SLC25A12: variants seen among roughly 807,000 people sequenced by gnomAD.
The protein encoded by SLC25A12 is solute carrier family 25 member 12.
Under a neutral mutation model 83.3 loss-of-function variants are expected in SLC25A12, and 32 were observed. The observed-to-expected ratio is 0.38, with a 90% CI of 0.29 to 0.52. The LOEUF (loss-of-function observed/expected upper bound fraction) is 0.52, where lower values mean the gene tolerates loss of function less well. Among genes scored for constraint, SLC25A12 ranks in the 20% least tolerant of loss-of-function variants. The pLI is 0.84. For synonymous variants in SLC25A12, 267 were observed against 291.1 expected (o/e 0.92, Z 0.84); for missense variants, 611 against 835.6 (o/e 0.73, Z 3.31).
At chr2:171,850,276 C>T (rs1467756041) in intron 4 of SLC25A12, among the ~76,000 whole-genome samples, 5 of 150,064 alleles carry the variant, frequency 3.3e-5, no homozygotes, top group Non-Finnish European at 5.9e-5. Flanking sequence ...CCACCACGCC[C>T]GGCTAATTTT....
chr2:171,791,437 A>C lies in SLC25A12; in HGVS notation c.1585+14T>G. 6.2e-7 allele frequency: 1 copy of C among 1,612,538 alleles called. No individual in the cohort carries two copies. The highest frequency in any genetic ancestry group is 8.5e-7 in the Non-Finnish European group (1 of 1,178,518). On this transcript the variant is annotated intron_variant, in intron 15 of 17. Coordinates refer to ENST00000422440, the MANE Select transcript of SLC25A12 (RefSeq NM_003705.5). ...TGGGAGAATTCTTTCAGTTAAAAAA[A>C]AATTTGTAGTTACCTGCCATGGCTC...
intron 13 of SLC25A12, among the ~76,000 whole-genome samples, chr2:171,800,323 TCACA>T (rs60362750): frequency 6.0e-5 from 9 of 149,516 alleles, no homozygotes; most frequent in East Asian, 5.9e-4. Context: ...AACAGATACT[TCACA>T]CACACACACA....
In SLC25A12 at chr2:171,799,742, A is replaced by T. The variant is rs116581762; in HGVS notation, c.1306-5975T>A. ...TCTCTGCCTCACCGAGGTCTTGTGC[A>T]CTACTAACTCATTTGAGAGCACTAT... On this transcript the variant is annotated intron_variant, in intron 13 of 17. Coordinates refer to ENST00000422440, the MANE Select transcript of SLC25A12 (RefSeq NM_003705.5). 5.1e-4 allele frequency among the ~76,000 whole-genome samples: 77 copies of T among 152,352 alleles called. 1 individual carries two copies. Among genetic ancestry groups the T allele is most frequent in the African/African-American group, 1.8e-3 (76 of 41,580 alleles).
chr2:171,855,695 T>C (rs1389010384), intron 4 of SLC25A12, 139 bp downstream of exon 4: 2 of 707,610 alleles, frequency 2.8e-6, no homozygotes, highest in Admixed American at 2.2e-5. Flanking sequence ...GCCATCATTA[T>C]CTGCATAAAT....
In SLC25A12 at chr2:171,878,563, C is replaced by T. The variant is rs144659784; in HGVS notation, c.67-9740G>A. ...GCTTCCAGTATTCCTGGGCTTACCA[C>T]GAGATCGGTCCTGACTGGTCTAGGC... On this transcript the variant is annotated intron_variant, in intron 2 of 17. Coordinates refer to ENST00000422440, the MANE Select transcript of SLC25A12 (RefSeq NM_003705.5). Among the ~76,000 whole-genome samples the T allele has an allele frequency of 9.1e-4, 138 of 152,242 alleles. 4 individuals are homozygous for T. In the East Asian group the frequency reaches 0.019, roughly 21 times the overall value.
chr2:171,833,581 T>G (rs1023017474), intron 8 of SLC25A12, among the ~76,000 whole-genome samples: 1 of 152,182 alleles, frequency 6.6e-6, no homozygotes, highest in Non-Finnish European at 1.5e-5. Context: ...TCTTTCCCAC[T>G]TTATGAACCC....
At chr2:171,815,025 G>T in intron 10 of SLC25A12, 96 bp downstream of exon 10, 1 of 987,256 alleles carries the variant, frequency 1.0e-6, no homozygotes, top group Non-Finnish European at 1.6e-6. Flanking sequence ...GTGACCCATG[G>T]GAACAATGAA....
chr2:171,794,585 G>T (rs1257726766), intron 13 of SLC25A12, among the ~76,000 whole-genome samples: 1 of 133,164 alleles, frequency 7.5e-6, no homozygotes, highest in African/African-American at 3.1e-5. Context: ...CTGTTAACTA[G>T]TAGAGAAAAA....
intron 2 of SLC25A12, among the ~76,000 whole-genome samples, chr2:171,872,001 T>C (rs148859138): frequency 0.015 from 2,209 of 145,764 alleles, 96 homozygotes; most frequent in Admixed American, 0.092. Context: ...CGTAGCCCAA[T>C]ATGGACTTTT....
chr2:171,798,995 A>G (rs1683656799), intron 13 of SLC25A12, among the ~76,000 whole-genome samples: 1 of 152,158 alleles, frequency 6.6e-6, no homozygotes, highest in Non-Finnish European at 1.5e-5. Flanking sequence ...ATGAGGTTGA[A>G]GGGAGCTGCC....
intron 13 of SLC25A12, among the ~76,000 whole-genome samples, chr2:171,799,356 G>A (rs1683662916): frequency 6.6e-6 from 1 of 152,164 alleles, no homozygotes; most frequent in Admixed American, 6.5e-5. Context: ...GTTCACATAA[G>A]TATGTAGGCA....
At chr2:171,854,599 A>AT (rs895533885) in intron 4 of SLC25A12, among the ~76,000 whole-genome samples, 4 of 152,090 alleles carry the variant, frequency 2.6e-5, no homozygotes, top group Non-Finnish European at 5.9e-5. Context: ...TCTGCATAGC[A>AT]TTTTTTTGGA....
intron 13 of SLC25A12, among the ~76,000 whole-genome samples, chr2:171,801,329 AAG>A (rs1180388653): frequency 6.6e-6 from 1 of 152,220 alleles, no homozygotes; most frequent in East Asian, 1.9e-4. Flanking sequence ...AAATTGGGGT[AAG>A]AGAGTTAGCC....
At chr2:171,880,655 C>G (rs1215797396) in intron 2 of SLC25A12, among the ~76,000 whole-genome samples, 1 of 152,174 alleles carries the variant, frequency 6.6e-6, no homozygotes, top group African/African-American at 2.4e-5. Flanking sequence ...CAAATGATCC[C>G]ATCAGCCAGA....
intron 15 of SLC25A12, chr2:171,788,579 C>G (rs562920300): frequency 6.5e-6 from 1 of 154,256 alleles, no homozygotes; most frequent in African/African-American, 2.4e-5. Context: ...CCCCTGTGCC[C>G]GAGCTCCCTG....
At position 171,843,197 on chromosome 2, in the gene SLC25A12, A is replaced by G. The variant is rs190282520; in HGVS notation, c.465+1172T>C. ...TTTTTAAAAAAGAAAGCTCCTGGAG[A>G]GCTCCAAGAAGATGAAATTAATAGA... On this transcript the variant is annotated intron_variant, in intron 5 of 17. Coordinates refer to ENST00000422440, the MANE Select transcript of SLC25A12 (RefSeq NM_003705.5). Among the ~76,000 whole-genome samples the G allele has an allele frequency of 7.7e-4, 117 of 152,288 alleles. 2 individuals carry two copies. In the East Asian group the frequency reaches 0.019, roughly 25 times the overall value.
At chr2:171,873,217 G>A (rs1328528346) in intron 2 of SLC25A12, among the ~76,000 whole-genome samples, 1 of 152,192 alleles carries the variant, frequency 6.6e-6, no homozygotes, top group African/African-American at 2.4e-5. Flanking sequence ...GGGAGGCTGA[G>A]GCAGGCAGAT....
rs1210738253 is a variant in SLC25A12 at position 171,868,622 on chromosome 2, A to T, written c.209+59T>A. On this transcript the variant is annotated intron_variant, in intron 3 of 17. Coordinates refer to ENST00000422440, the MANE Select transcript of SLC25A12 (RefSeq NM_003705.5). ...AGCCACTGTGCCCAGCTGGTTTTTT[A>T]AATTTTTAACAATATATTCCAGAAC... is the stretch of plus-strand genomic sequence containing the variant. 4 of 1,575,198 alleles carry T rather than the reference A, an allele frequency of 2.5e-6. No homozygotes were observed. The African/African-American group carries it at 5.4e-5, about 21-fold the overall frequency.
intron 8 of SLC25A12, among the ~76,000 whole-genome samples, 182 bp from the exon 9 acceptor site, chr2:171,827,064 CAA>C (rs1000283856): frequency 9.2e-5 from 14 of 151,914 alleles, no homozygotes; most frequent in African/African-American, 3.1e-4. Flanking sequence ...CAACAAAAAG[CAA>C]AAGACTCCAG....
Sources: gnomAD v4.1 joint callset for allele counts (sites outside exome capture counted in the v4.1 genomes callset) on GRCh38, gnomAD v4.1.1 for gene constraint, MANE v1.5 for transcripts, NCBI Gene and HGNC (gene_info 2026-07-23, HGNC 2026-07-21) for gene names.